The following SBF2 variants were observed in gnomAD, a reference collection of about 807,000 sequenced individuals.
SBF2 encodes the protein SET binding factor 2, also known as myotubularin-related protein 13.
In SBF2, 112 loss-of-function variants were observed where a neutral mutation model predicts 225.2. The ratio of observed to expected loss-of-function variants is 0.50; its 90% confidence interval spans 0.43 to 0.58. The LOEUF is 0.58. Ranked by LOEUF, SBF2 falls within the 20% of genes least tolerant of loss-of-function variation. SBF2 has a pLI of 0.00. For synonymous variants in SBF2, 763 were observed against 773.3 expected (o/e 0.99, Z 0.22); for missense variants, 1,996 against 2,206.2 (o/e 0.90, Z 1.91).
chr11:9,889,128 T>C (rs1860584620), intron 17 of SBF2, among the ~76,000 whole-genome samples: 1 of 152,196 alleles, frequency 6.6e-6, no homozygotes, highest in Admixed American at 6.5e-5. Flanking sequence ...TAGAGTCTGA[T>C]GGTGGCAGGA....
chr11:9,856,881 A>G (rs998653809), intron 18 of SBF2, among the ~76,000 whole-genome samples, 161 bp from the exon 19 acceptor site: 13 of 144,326 alleles, frequency 9.0e-5, no homozygotes, highest in African/African-American at 3.4e-4. Flanking sequence ...TCTGCCTCCC[A>G]GGTTCACGCC....
At chr11:9,840,578 A>T (rs887274300) in intron 25 of SBF2, among the ~76,000 whole-genome samples, 7 of 152,222 alleles carry the variant, frequency 4.6e-5, no homozygotes, top group African/African-American at 1.4e-4. Context: ...GGACTCTATA[A>T]AAACACCCAA....
rs774207926 is a variant in SBF2, at chr11:9,829,372, G to T, written c.3777C>A (p.Ala1259=). The T allele has an allele frequency of 6.2e-7, 1 of 1,614,152 alleles. No individual in the cohort carries two copies. Among genetic ancestry groups the T allele is most frequent in the Non-Finnish European group, 8.5e-7 (1 of 1,180,002 alleles). ...AAATCTTACCTGGAGATAGAGCAAA[G>T]GCTGGCCTGACAGTAAGAGTGCTGT... ...RGNSTLTVRP[A]FALSPGVWAS... The change falls in exon 28 of 40, where the codon GCC becomes GCA. Residue 1259 remains alanine, a synonymous_variant. Transcript: ENST00000256190.
chr11:10,140,164 T>C (rs1954572476), intron 2 of SBF2, among the ~76,000 whole-genome samples: 1 of 152,208 alleles, frequency 6.6e-6, no homozygotes, highest in African/African-American at 2.4e-5. Context: ...ATTTGGTCTG[T>C]GACTAGAAAC....
chr11:10,105,869 T>C (rs2134988391), intron 2 of SBF2, among the ~76,000 whole-genome samples: 1 of 152,274 alleles, frequency 6.6e-6, no homozygotes, highest in Non-Finnish European at 1.5e-5. Context: ...AGCATATCAG[T>C]GATAGCTGAC....
chr11:9,834,250 A>C (rs912697342), intron 26 of SBF2, among the ~76,000 whole-genome samples: 2 of 148,622 alleles, frequency 1.3e-5, no homozygotes, highest in Non-Finnish European at 3.0e-5. Flanking sequence ...GTGCCACCAC[A>C]CCTGGCTAAT....
At chr11:10,003,430 C>T (rs1320166865) in intron 6 of SBF2, among the ~76,000 whole-genome samples, 8 of 151,194 alleles carry the variant, frequency 5.3e-5, no homozygotes, top group African/African-American at 1.5e-4. Context: ...TGCAGTGGCA[C>T]GATCTCAGCT....
intron 2 of SBF2, among the ~76,000 whole-genome samples, chr11:10,172,725 G>T (rs530359660): frequency 6.7e-6 from 1 of 149,486 alleles, no homozygotes; most frequent in Admixed American, 6.6e-5. Flanking sequence ...GGAGTGCAGT[G>T]GCGCCATCTT....
chr11:10,006,904 T>C (rs1408111082), intron 6 of SBF2, among the ~76,000 whole-genome samples: 1 of 152,206 alleles, frequency 6.6e-6, no homozygotes, highest in Non-Finnish European at 1.5e-5. Flanking sequence ...GGGATAATCA[T>C]TTTGTTGCAA....
chr11:9,862,283 C>G (rs1334212956), intron 17 of SBF2, among the ~76,000 whole-genome samples: 2 of 152,210 alleles, frequency 1.3e-5, no homozygotes, highest in Non-Finnish European at 2.9e-5. Flanking sequence ...ATGGGCAGGG[C>G]CATTCCACTG....
At chr11:10,028,755 A>C (rs1378754908) in intron 5 of SBF2, among the ~76,000 whole-genome samples, 198 bp from the exon 6 acceptor site, 2 of 151,766 alleles carry the variant, frequency 1.3e-5, no homozygotes, top group African/African-American at 4.8e-5. Context: ...TCAGTGGCTG[A>C]AAGTTGAAAA....
intron 2 of SBF2, among the ~76,000 whole-genome samples, chr11:10,150,113 C>A (rs115572759): frequency 0.012 from 1,797 of 152,188 alleles, 40 homozygotes; most frequent in African/African-American, 0.042. Context: ...TATCTGTATC[C>A]TTGAACAAAA....
chr11:10,255,155 A>G (rs891745138), intron 1 of SBF2, among the ~76,000 whole-genome samples: 3 of 152,044 alleles, frequency 2.0e-5, no homozygotes, highest in African/African-American at 7.2e-5. Context: ...AAAAAGTTCA[A>G]GAGAACTATT....
chr11:9,797,163 C>T (rs191721614), intron 32 of SBF2, among the ~76,000 whole-genome samples: 25 of 152,294 alleles, frequency 1.6e-4, no homozygotes, highest in African/African-American at 6.0e-4. Flanking sequence ...CAATACGGAC[C>T]TGTACTTAGT....
chr11:9,918,932 C>T (rs906850253), intron 16 of SBF2, among the ~76,000 whole-genome samples: 3 of 151,746 alleles, frequency 2.0e-5, no homozygotes, highest in Admixed American at 6.6e-5. Flanking sequence ...TTAGTAGAGA[C>T]GCGGTTTCAC....
chr11:10,116,439 G>A (rs185917052), intron 2 of SBF2, among the ~76,000 whole-genome samples: 6 of 152,244 alleles, frequency 3.9e-5, no homozygotes, highest in East Asian at 1.9e-4. Flanking sequence ...AATGCCAGGA[G>A]AGGATTTATG....
intron 3 of SBF2, among the ~76,000 whole-genome samples, chr11:10,040,808 G>A (rs540359644): frequency 1.3e-5 from 2 of 151,784 alleles, no homozygotes; most frequent in African/African-American, 2.4e-5. Flanking sequence ...GAAGGGTAGG[G>A]AAGAAAGACC....
chr11:10,216,132 C>T (rs1394138047), intron 1 of SBF2, among the ~76,000 whole-genome samples: 1 of 152,146 alleles, frequency 6.6e-6, no homozygotes, highest in Non-Finnish European at 1.5e-5. Flanking sequence ...CCCGATGCTT[C>T]CATAATATCT....
chr11:9,946,542 C>G (rs1865575379), intron 16 of SBF2, among the ~76,000 whole-genome samples: 1 of 151,620 alleles, frequency 6.6e-6, no homozygotes. Flanking sequence ...ACTCTGCCTC[C>G]CAGGTTCAAG....
Sources: allele counts gnomAD v4.1 joint callset (sites outside exome capture counted in the v4.1 genomes callset), GRCh38; gene constraint gnomAD v4.1.1; transcripts MANE v1.5; gene names NCBI Gene and HGNC (gene_info 2026-07-23, HGNC 2026-07-21).